ZNF280C: variants seen among roughly 807,000 people sequenced by gnomAD.
ZNF280C encodes the protein suppressor of hairy wing homolog 3.
Under a neutral mutation model 53.6 loss-of-function variants are expected in ZNF280C, and 14 were observed. That is an observed-to-expected ratio of 0.26 (90% CI 0.17 to 0.41). The LOEUF is 0.41. Ranked by LOEUF, ZNF280C falls within the 10% of genes least tolerant of loss-of-function variation. The pLI, the probability that ZNF280C is intolerant of heterozygous loss-of-function variation, is 1.00. For synonymous variants in ZNF280C, 203 were observed against 181.1 expected (o/e 1.12, Z -0.97); for missense variants, 416 against 547.1 (o/e 0.76, Z 2.39).
At position 130,215,939 on chromosome X, in the gene ZNF280C, T is replaced by C; in HGVS notation, c.1690A>G (p.Lys564Glu). 1.7e-6 allele frequency: 2 copies of C among 1,211,526 alleles called. No homozygotes were observed. The highest frequency in any genetic ancestry group is 2.2e-6 in the Non-Finnish European group (2 of 895,469). ...GCAGTGGATGTAGTTGCATGAAGCT[T>C]ACTTGTCTTAGATCTACTGGCATTA... ...KSNASRSKTS[K>E]LHATTSTASK... Residue 564 changes from lysine (K) to glutamate (E), a missense_variant, in exon 14 of 19, where the codon AAG (lysine) becomes GAG (glutamate). By Grantham distance (56) the Lys-to-Glu change is moderately conservative (BLOSUM62 1). Around this residue, in one of 3 missense-constraint regions of ZNF280C, gnomAD observed 151 missense variants for 176.9 expected, o/e 0.85. Coordinates refer to ENST00000370978, the MANE Select transcript of ZNF280C (RefSeq NM_017666.5).
intron 10 of ZNF280C, among the ~76,000 whole-genome samples, chrX:130,228,127 T>C (rs999808254): frequency 2.7e-5 from 3 of 112,084 alleles, no homozygotes; most frequent in Non-Finnish European, 3.8e-5. Flanking sequence ...ATCTTAACAT[T>C]GTAGTTAACT....
intron 2 of ZNF280C, among the ~76,000 whole-genome samples, chrX:130,249,298 C>A (rs147686540): frequency 9.2e-4 from 103 of 112,146 alleles, no homozygotes; most frequent in African/African-American, 3.0e-3. Flanking sequence ...CCACTAGCAC[C>A]CTGCAGCAGC....
chrX:130,209,833 T>TC (rs780278966), intron 15 of ZNF280C, 118 bp from the exon 16 acceptor site: 2 of 585,005 alleles, frequency 3.4e-6, no homozygotes, highest in African/African-American at 4.6e-5. Context: ...AAGATCATGA[T>TC]CTAAATAATA....
At chrX:130,251,298 A>AAAAAAAAAAAAAAAAAAAAAAAAAAAAAC (rs2032506219) in intron 2 of ZNF280C, among the ~76,000 whole-genome samples, 1 of 102,379 alleles carries the variant, frequency 9.8e-6, no homozygotes, top group African/African-American at 3.6e-5. Context: ...AAAAAAAAAA[A>AAAAAAAAAAAAAAAAAAAAAAAAAAAAAC]AAAAAAAAAG....
chrX:130,226,692 T>G, intron 12 of ZNF280C, 67 bp downstream of exon 12: 1 of 1,070,184 alleles, frequency 9.3e-7, no homozygotes, highest in Non-Finnish European at 1.3e-6. Flanking sequence ...TAGCTATAGA[T>G]CTATACATAT....
At chrX:130,206,733 T>C (rs2031979717) in intron 16 of ZNF280C, among the ~76,000 whole-genome samples, 2 of 111,866 alleles carry the variant, frequency 1.8e-5, no homozygotes. Flanking sequence ...TCAAAAATTA[T>C]CTTCATAAAA....
chrX:130,245,784 C>CT (rs72420800), intron 3 of ZNF280C, among the ~76,000 whole-genome samples: 49,718 of 103,316 alleles, frequency 0.48, 9,793 homozygotes, highest in African/African-American at 0.67. Flanking sequence ...TATTTGAGGA[C>CT]TTTTTTTTTT....
chrX:130,214,878 C>T (rs2032082465), intron 15 of ZNF280C, among the ~76,000 whole-genome samples: 1 of 111,573 alleles, frequency 9.0e-6, no homozygotes, highest in African/African-American at 3.3e-5. Flanking sequence ...ATATTGAAAA[C>T]ACTTAACATT....
At chrX:130,214,119 C>T (rs939982422) in intron 15 of ZNF280C, among the ~76,000 whole-genome samples, 2 of 111,299 alleles carry the variant, frequency 1.8e-5, no homozygotes, top group African/African-American at 6.5e-5. Context: ...TTATTTCTAA[C>T]TGAAAATAAA....
At position 130,260,484 on chromosome X, in the gene ZNF280C, C is replaced by T; in HGVS notation, c.-16-19G>A. 1 of 1,153,258 alleles carries T rather than the reference C, an allele frequency of 8.7e-7. No individual in the cohort carries two copies. Among genetic ancestry groups the T allele is most frequent in the Middle Eastern group, 2.5e-4 (1 of 4,062 alleles). On this transcript the variant is annotated intron_variant, in intron 1 of 18. Transcript: ENST00000370978. ...AGGTCACCTAAGTACGAACACATGA[C>T]ATCAATCAATGTTATGAGTCACTTT...
intron 2 of ZNF280C, among the ~76,000 whole-genome samples, chrX:130,255,420 G>A (rs1176015132): frequency 5.7e-5 from 6 of 105,783 alleles, no homozygotes; most frequent in Non-Finnish European, 9.7e-5. Flanking sequence ...GATTACAGGC[G>A]TGAGCCACCG....
rs750212434 is a variant in ZNF280C, at chrX:130,215,766, G to A, written c.1838+25C>T. 4 of 1,138,884 alleles carry A rather than the reference G, an allele frequency of 3.5e-6. 1 individual carries two copies. The South Asian group carries it at 6.1e-5, about 17-fold the overall frequency. The allele number at this position is 1,138,884 out of a possible 1,213,427, so 93.9% of individuals were successfully genotyped here. ...ATATACATAAGATTAAATTTGTATT[G>A]TATATCAGGAATAAAAGATATTACC... is the stretch of plus-strand genomic sequence containing the variant. On this transcript the variant is annotated intron_variant, in intron 14 of 18. Coordinates refer to ENST00000370978, the MANE Select transcript of ZNF280C (RefSeq NM_017666.5).
At chrX:130,242,853 T>A (rs1277385534) in intron 5 of ZNF280C, among the ~76,000 whole-genome samples, 1 of 111,635 alleles carries the variant, frequency 9.0e-6, no homozygotes, top group Non-Finnish European at 1.9e-5. Flanking sequence ...TTATTTTTTT[T>A]ATTAAATAGA....
intron 2 of ZNF280C, among the ~76,000 whole-genome samples, chrX:130,257,198 CAAA>C (rs35374607): frequency 6.4e-4 from 27 of 41,955 alleles, no homozygotes; most frequent in Middle Eastern, 0.015. Context: ...GACTCTGTCT[CAAA>C]AAAAAAAAAA....
chrX:130,243,997 T>C, intron 3 of ZNF280C, 132 bp from the exon 4 acceptor site: 1 of 372,029 alleles, frequency 2.7e-6, no homozygotes, highest in Non-Finnish European at 4.3e-6. Flanking sequence ...GTGACAGGGT[T>C]GTGTACAGAT....
intron 16 of ZNF280C, among the ~76,000 whole-genome samples, chrX:130,207,701 G>C (rs1159085545): frequency 1.8e-5 from 2 of 111,727 alleles, no homozygotes; most frequent in Non-Finnish European, 3.8e-5. Context: ...TATGAACTTT[G>C]TGCTTCATCC....
intron 14 of ZNF280C, among the ~76,000 whole-genome samples, 155 bp from the exon 15 acceptor site, chrX:130,215,488 G>C (rs1244459777): frequency 1.8e-5 from 2 of 112,011 alleles, no homozygotes; most frequent in East Asian, 5.6e-4. Context: ...ACAAGCTAGA[G>C]TAAGTGTAAA....
chrX:130,220,291 AC>A (rs2032150493), intron 13 of ZNF280C, 57 bp downstream of exon 13: 6 of 1,040,501 alleles, frequency 5.8e-6, no homozygotes, highest in Non-Finnish European at 7.5e-6. Flanking sequence ...AAAAAAAAAA[AC>A]ATAAAAAAAT....
intron 2 of ZNF280C, among the ~76,000 whole-genome samples, chrX:130,257,743 A>G (rs2032590476): frequency 8.9e-6 from 1 of 112,111 alleles, no homozygotes; most frequent in African/African-American, 3.2e-5. Flanking sequence ...TAAGTAACTT[A>G]AAGGCTTTTC....
Sources: allele counts gnomAD v4.1 joint callset (sites outside exome capture counted in the v4.1 genomes callset), GRCh38; gene constraint gnomAD v4.1.1; regional missense constraint gnomAD v4.1.1; transcripts MANE v1.5; gene names NCBI Gene and HGNC (gene_info 2026-07-23, HGNC 2026-07-21).